Variants in GET4 observed in about 807,000 individuals in gnomAD.
GET4 encodes Golgi to ER traffic protein 4 homolog.
In GET4, 20 loss-of-function variants were observed where a neutral mutation model predicts 40.0. The observed-to-expected ratio is 0.50, with a 90% CI of 0.35 to 0.73. The LOEUF (loss-of-function observed/expected upper bound fraction) is 0.73, where lower values mean the gene tolerates loss of function less well. GET4 is among the 30% of genes least tolerant of loss of function. The pLI is 0.01. For missense variants in GET4, 557 were observed against 454.0 expected (o/e 1.23, Z -2.06); for synonymous variants, 280 against 194.6 (o/e 1.44, Z -3.65).
In GET4 at chr7:895,644, G is replaced by A. The variant is rs572096192; in HGVS notation, c.*222G>A. ...TGGGGCGTCGCCCCTGCTGGCCGCC[G>A]CGTCCCCCGAGATTGACCCACAATA... On this transcript the variant is annotated 3_prime_UTR_variant, in exon 9 of 9. Coordinates refer to ENST00000265857, the MANE Select transcript of GET4 (RefSeq NM_015949.3). 47 of 419,772 alleles carry A rather than the reference G, an allele frequency of 1.1e-4. No homozygotes were observed. Among genetic ancestry groups the A allele is most frequent in the Admixed American group, 7.3e-4 (17 of 23,132 alleles). 26.0% of individuals were successfully genotyped at this position (419,772 alleles called of 1,614,324 possible). A position where few individuals can be genotyped will look rare whatever the true frequency, so the allele number is the denominator to read the frequency against.
At chr7:892,855 T>TG (rs547454838) in intron 6 of GET4, among the ~76,000 whole-genome samples, 1 of 148,634 alleles carries the variant, frequency 6.7e-6, no homozygotes, top group Non-Finnish European at 1.5e-5. Context: ...TGTGGGTAGT[T>TG]GGGGTGCGTG....
At chr7:893,601 C>CGCG (rs1554268642) in intron 6 of GET4, 139 bp from the exon 7 acceptor site, 2 of 497,108 alleles carry the variant, frequency 4.0e-6, no homozygotes, top group Non-Finnish European at 7.0e-6. Context: ...TGGGCATGGG[C>CGCG]GCGGTGTGTG....
Position 885,153 on chromosome 7 carries a change from T to G in GET4, c.156-903T>G, listed in dbSNP as rs558141635. 3 of 152,406 alleles carry G rather than the reference T, an allele frequency of 2.0e-5. No homozygotes were observed. In the East Asian group the frequency reaches 5.8e-4, roughly 29 times the overall value. The allele number at this position is 152,406 out of a possible 1,614,324, so 9.4% of individuals were successfully genotyped here. Reference sequence around the variant, plus strand: ...AAACAAGGCTTTGTCCAAGGACATTTGGCTCGCAGGCACAGAGCTGATTAA... The same window carrying G: ...AAACAAGGCTTTGTCCAAGGACATTGGGCTCGCAGGCACAGAGCTGATTAA... On this transcript the variant is annotated intron_variant, in intron 1 of 8. Transcript: ENST00000265857.
At chr7:877,512 T>G (rs1282798530) in intron 1 of GET4, among the ~76,000 whole-genome samples, 1 of 69,090 alleles carries the variant, frequency 1.4e-5, no homozygotes, top group Non-Finnish European at 2.7e-5. Flanking sequence ...CCCGTCTCTC[T>G]CTCTTCCTGC....
At chr7:877,006 C>T (rs1450752100) in intron 1 of GET4, among the ~76,000 whole-genome samples, 3 of 151,828 alleles carry the variant, frequency 2.0e-5, no homozygotes, top group African/African-American at 4.8e-5. Flanking sequence ...CCCGTTCCCT[C>T]GGCCTCTGAC....
At chr7:892,836 CGT>C (rs1341918588) in intron 6 of GET4, among the ~76,000 whole-genome samples, 1 of 145,314 alleles carries the variant, frequency 6.9e-6, no homozygotes, top group African/African-American at 2.6e-5. Flanking sequence ...GCAGGTGTTG[CGT>C]GTCTGGTGTG....
At position 876,623 on chromosome 7, in the gene GET4, G is replaced by T. The variant is rs974503405; in HGVS notation, c.-23G>T. The T allele has an allele frequency of 8.2e-6, 10 of 1,221,774 alleles. No individual in the cohort carries two copies. Among genetic ancestry groups the T allele is most frequent in the East Asian group, 7.7e-5 (2 of 26,068 alleles). 75.7% of individuals were successfully genotyped at this position (1,221,774 alleles called of 1,614,324 possible). A position where few individuals can be genotyped will look rare whatever the true frequency, so the allele number is the denominator to read the frequency against. The stretch of plus-strand genomic sequence containing the variant: ...GCCGACCGCGCCTGCGACAGCGTCA[G>T]CCCTGCGCGGAGCGCCGGCCCGATG... On this transcript the variant is annotated 5_prime_UTR_variant, in exon 1 of 9. Transcript: ENST00000265857.
At chr7:889,274 C>T (rs62430800) in intron 4 of GET4, among the ~76,000 whole-genome samples, 2,011 of 152,336 alleles carry the variant, frequency 0.013, 18 homozygotes, top group Non-Finnish European at 0.022. Flanking sequence ...GGACCTCACC[C>T]GGGGAGCCCA....
intron 5 of GET4, among the ~76,000 whole-genome samples, chr7:891,728 C>T (rs780046638): frequency 2.0e-5 from 3 of 152,256 alleles, no homozygotes; most frequent in Non-Finnish European, 2.9e-5. Flanking sequence ...CTGACCTCAG[C>T]GTTGCCCGCT....
chr7:891,756 G>T (rs768575545), intron 5 of GET4, among the ~76,000 whole-genome samples: 39 of 152,282 alleles, frequency 2.6e-4, no homozygotes, highest in Non-Finnish European at 5.1e-4. Flanking sequence ...TTTGCCAGGA[G>T]CTGGCGTCCG....
intron 6 of GET4, 40 bp downstream of exon 6, chr7:892,458 G>A (rs756757057): frequency 6.3e-7 from 1 of 1,577,068 alleles, no homozygotes; most frequent in South Asian, 1.1e-5. Context: ...GGCTGTGAAT[G>A]TGCGGGTTGT....
Position 876,607 on chromosome 7 carries a change from G to A in GET4, c.-39G>A. The A allele has an allele frequency of 1.7e-6, 2 of 1,166,464 alleles. No individual in the cohort carries two copies. The highest frequency in any genetic ancestry group is 4.7e-5 in the Admixed American group (1 of 21,150). The allele number at this position is 1,166,464 out of a possible 1,614,324, so 72.3% of individuals were successfully genotyped here. A position where few individuals can be genotyped will look rare whatever the true frequency, so the allele number is the denominator to read the frequency against. On this transcript the variant is annotated 5_prime_UTR_variant, in exon 1 of 9. Transcript: ENST00000265857. ...GAAGCCGGGAGGCGCTGCCGACCGC[G>A]CCTGCGACAGCGTCAGCCCTGCGCG...
chr7:882,691 G>T (rs558634602), intron 1 of GET4: 8 of 152,662 alleles, frequency 5.2e-5, no homozygotes, highest in African/African-American at 1.7e-4. Context: ...TTGCCCCGGG[G>T]ATGGCGCGGG....
chr7:876,662 C>T lies in GET4; in HGVS notation c.17C>T (p.Ala6Val), dbSNP rs1045061620. 14 of 1,291,394 alleles carry T rather than the reference C, an allele frequency of 1.1e-5. No individual in the cohort carries two copies. In the African/African-American group the frequency reaches 1.4e-4, roughly 13 times the overall value. The allele number at this position is 1,291,394 out of a possible 1,614,324, so 80.0% of individuals were successfully genotyped here. ...GCCGGCCCGATGGCGGCGGCGGCGG[C>T]GATGGCCGAGCAGGAGAGCGCCCGG... is the stretch of plus-strand genomic sequence containing the variant. MAAAAAMAEQESARNG... is the reference protein window; with the variant it reads MAAAAVMAEQESARNG... The change falls in exon 1 of 9, where the codon GCG (alanine) becomes GTG (valine). Residue 6 changes from alanine (A) to valine (V), a missense_variant. Coordinates refer to ENST00000265857, the MANE Select transcript of GET4 (RefSeq NM_015949.3).
chr7:893,886 C>T lies in GET4; in HGVS notation c.823-13C>T. 1.2e-6 allele frequency: 2 copies of T among 1,612,432 alleles called. No individual in the cohort carries two copies. Among genetic ancestry groups the T allele is most frequent in the Non-Finnish European group, 8.5e-7 (1 of 1,179,110 alleles). ...GGTCCACCCCCTCTGAGCCCGCTGC[C>T]TGTGCCTTGCAGTACCTCGACCGCA... On this transcript the variant is annotated splice_polypyrimidine_tract_variant and intron_variant, in intron 7 of 8. Coordinates refer to ENST00000265857, the MANE Select transcript of GET4 (RefSeq NM_015949.3).
At chr7:883,749 C>G in intron 1 of GET4, 1 of 987,694 alleles carries the variant, frequency 1.0e-6, no homozygotes, top group Non-Finnish European at 1.2e-6. Flanking sequence ...GGGTACCTGT[C>G]CTGGCTTAGT....
At chr7:877,132 C>T (rs936036991) in intron 1 of GET4, among the ~76,000 whole-genome samples, 1 of 151,622 alleles carries the variant, frequency 6.6e-6, no homozygotes, top group African/African-American at 2.4e-5. Flanking sequence ...TCTGTCTCCT[C>T]GGCCGCCTCC....
rs921651504 is a variant in GET4 at position 876,638 on chromosome 7, C to T, written c.-8C>T. On this transcript the variant is annotated 5_prime_UTR_variant, in exon 1 of 9. Coordinates refer to ENST00000265857, the MANE Select transcript of GET4 (RefSeq NM_015949.3). ...GACAGCGTCAGCCCTGCGCGGAGCG[C>T]CGGCCCGATGGCGGCGGCGGCGGCG... 61 of 1,253,902 alleles carry T rather than the reference C, an allele frequency of 4.9e-5. No homozygotes were observed. The highest frequency in any genetic ancestry group is 5.9e-5 in the Non-Finnish European group (59 of 993,370). 77.7% of individuals were successfully genotyped at this position (1,253,902 alleles called of 1,614,324 possible).
chr7:876,667 G>T lies in GET4; in HGVS notation c.22G>T (p.Ala8Ser), dbSNP rs1843946488. Residue 8 changes from alanine (A) to serine (S), a missense_variant, in exon 1 of 9, where the codon GCC (alanine) becomes TCC (serine). By Grantham distance (99) the Ala-to-Ser change is moderately conservative. Coordinates refer to ENST00000265857, the MANE Select transcript of GET4 (RefSeq NM_015949.3). MAAAAAM[A>S]EQESARNGGR... ...CCCGATGGCGGCGGCGGCGGCGATG[G>T]CCGAGCAGGAGAGCGCCCGGAACGG... The T allele has an allele frequency of 1.5e-6, 2 of 1,304,774 alleles. No individual in the cohort carries two copies. The highest frequency in any genetic ancestry group is 9.8e-7 in the Non-Finnish European group (1 of 1,018,150). 80.8% of individuals were successfully genotyped at this position (1,304,774 alleles called of 1,614,324 possible).
Sources: gnomAD v4.1 joint callset for allele counts (sites outside exome capture counted in the v4.1 genomes callset) on GRCh38, gnomAD v4.1.1 for gene constraint, MANE v1.5 for transcripts, NCBI Gene and HGNC (gene_info 2026-07-23, HGNC 2026-07-21) for gene names.